The following CLVS1 variants were observed in gnomAD, a reference collection of about 807,000 sequenced individuals.
CLVS1 encodes clavesin-1.
In CLVS1, 10 loss-of-function variants were observed where a neutral mutation model predicts 33.1. The ratio of observed to expected loss-of-function variants is 0.30; its 90% CI spans 0.19 to 0.51. The LOEUF (loss-of-function observed/expected upper bound fraction) is 0.51, where lower values mean the gene tolerates loss of function less well. Among genes scored for constraint, CLVS1 ranks in the 20% least tolerant of loss-of-function variants. The pLI is 0.97. For missense variants in CLVS1, 343 were observed against 433.4 expected, an observed-to-expected ratio of 0.79 and a Z score of 1.85; for synonymous variants, 163 against 166.1, an observed-to-expected ratio of 0.98 and a Z score of 0.14.
Position 61,481,585 on chromosome 8 carries a change from G to A in CLVS1, c.978-17870G>A, listed in dbSNP as rs182685241. On this transcript the variant is annotated intron_variant, in intron 5 of 5. Coordinates refer to ENST00000325897, the MANE Select transcript of CLVS1 (RefSeq NM_173519.3). The stretch of plus-strand genomic sequence containing the variant: ...TGGCTTGGAGGGTCCCACACCCACA[G>A]AGCCTCACTCACTGCTAGCACAGCA... 1.9e-3 allele frequency among the ~76,000 whole-genome samples: 288 copies of A among 152,348 alleles called. 3 individuals are homozygous for A. Among genetic ancestry groups the A allele is most frequent in the Middle Eastern group, 6.8e-3 (2 of 294 alleles).
Position 61,202,830 on chromosome 8 carries a change from T to C in CLVS1, c.-152+70970T>C, listed in dbSNP as rs969833550. ...CACAGAAAAAAGTAAAACTTGCTGC[T>C]GATGAAGATGATGATGATGATGAAG... On this transcript the variant is annotated intron_variant, in intron 2 of 2. Coordinates refer to the CLVS1 transcript ENST00000522621. 7 of 1,025,292 alleles carry C rather than the reference T, an allele frequency of 6.8e-6. No homozygotes were observed. The African/African-American group carries it at 8.0e-5, about 12-fold the overall frequency. The allele number at this position is 1,025,292 out of a possible 1,614,324, so 63.5% of individuals were successfully genotyped here. A position where few individuals can be genotyped will look rare whatever the true frequency, so the allele number is the denominator to read the frequency against.
At chr8:61,140,687 C>T (rs1476238097) in intron 2 of CLVS1, among the ~76,000 whole-genome samples, 2 of 152,100 alleles carry the variant, frequency 1.3e-5, no homozygotes, top group Non-Finnish European at 2.9e-5. Flanking sequence ...CTCAGCCTCC[C>T]GAGCAGCTGG....
chr8:61,451,812 C>CACACACAGAGAG (rs375319471), intron 3 of CLVS1, among the ~76,000 whole-genome samples: 6 of 142,936 alleles, frequency 4.2e-5, no homozygotes, highest in African/African-American at 1.6e-4. Context: ...CACACACACA[C>CACACACAGAGAG]AGAGAGAGAG....
intron 1 of CLVS1, 139 bp from the exon 2 acceptor site, chr8:61,299,538 A>G (rs1810352103): frequency 3.0e-6 from 1 of 334,078 alleles, no homozygotes; most frequent in Non-Finnish European, 5.4e-6. Flanking sequence ...AGGATAATTT[A>G]TCATTTGTTC....
intron 1 of CLVS1, among the ~76,000 whole-genome samples, chr8:61,075,272 G>A (rs576140011): frequency 6.6e-6 from 1 of 152,244 alleles, no homozygotes; most frequent in South Asian, 2.1e-4. Context: ...TCTCCCCAGA[G>A]GCCATTCATT....
At chr8:61,192,271 T>A (rs926426388) in intron 2 of CLVS1, among the ~76,000 whole-genome samples, 2 of 152,106 alleles carry the variant, frequency 1.3e-5, no homozygotes, top group East Asian at 3.8e-4. Flanking sequence ...AAACAAGAAA[T>A]GGGAGAGGAT....
intron 2 of CLVS1, among the ~76,000 whole-genome samples, chr8:61,330,904 A>G (rs1811567995): frequency 6.6e-6 from 1 of 151,750 alleles, no homozygotes; most frequent in African/African-American, 2.4e-5. Flanking sequence ...AGCCTGGGCA[A>G]CATACTGAAG....
At chr8:61,268,835 A>C (rs1352009394) in intron 2 of CLVS1, among the ~76,000 whole-genome samples, 1 of 66,166 alleles carries the variant, frequency 1.5e-5, no homozygotes, top group Non-Finnish European at 2.7e-5. Flanking sequence ...GTGTCTGTTC[A>C]TGTCCTTCAC....
At chr8:61,464,060 G>A (rs1045568788) in intron 5 of CLVS1, among the ~76,000 whole-genome samples, 4 of 146,250 alleles carry the variant, frequency 2.7e-5, no homozygotes, top group African/African-American at 1.0e-4. Context: ...CTGCACTCCA[G>A]CCTGGGCAAC....
intron 2 of CLVS1, among the ~76,000 whole-genome samples, chr8:61,274,676 A>T (rs1277700844): frequency 1.3e-5 from 2 of 152,228 alleles, no homozygotes; most frequent in African/African-American, 4.8e-5. Flanking sequence ...TTGAAGATAC[A>T]TCATGGCAAA....
At chr8:61,391,094 G>A (rs548724719) in intron 3 of CLVS1, 1 of 151,978 alleles carries the variant, frequency 6.6e-6, no homozygotes, top group Admixed American at 6.6e-5. Flanking sequence ...CCTAATACTG[G>A]TTATTGGATA....
intron 2 of CLVS1, among the ~76,000 whole-genome samples, chr8:61,366,628 AC>A (rs1813223116): frequency 6.6e-6 from 1 of 152,184 alleles, no homozygotes; most frequent in Non-Finnish European, 1.5e-5. Flanking sequence ...CACCATGCCT[AC>A]CTTCCTTCTT....
intron 2 of CLVS1, among the ~76,000 whole-genome samples, chr8:61,153,982 GTTT>G (rs1049558811): frequency 3.3e-5 from 5 of 152,128 alleles, no homozygotes; most frequent in African/African-American, 1.2e-4. Flanking sequence ...ACATCCCTAG[GTTT>G]TTAAGAGTGA....
chr8:61,390,293 C>T (rs1253875025), intron 3 of CLVS1, among the ~76,000 whole-genome samples: 1 of 152,214 alleles, frequency 6.6e-6, no homozygotes, highest in Non-Finnish European at 1.5e-5. Context: ...TTTACAACGA[C>T]TACATCATTG....
At chr8:61,427,057 G>A (rs1815923088) in intron 3 of CLVS1, among the ~76,000 whole-genome samples, 1 of 152,168 alleles carries the variant, frequency 6.6e-6, no homozygotes, top group South Asian at 2.1e-4. Flanking sequence ...AGTACCCATG[G>A]AGTATGGTGT....
At chr8:61,434,965 T>C (rs1468072435) in intron 3 of CLVS1, among the ~76,000 whole-genome samples, 1 of 152,244 alleles carries the variant, frequency 6.6e-6, no homozygotes, top group Non-Finnish European at 1.5e-5. Context: ...TGGGTCTAAA[T>C]ATTTTTTCCT....
chr8:61,387,851 C>T (rs1043072308), intron 3 of CLVS1, among the ~76,000 whole-genome samples: 1 of 152,100 alleles, frequency 6.6e-6, no homozygotes, highest in African/African-American at 2.4e-5. Flanking sequence ...ATACATATAT[C>T]ACATTTTCTT....
At chr8:61,158,507 G>C (rs1253167728) in intron 2 of CLVS1, among the ~76,000 whole-genome samples, 2 of 152,130 alleles carry the variant, frequency 1.3e-5, no homozygotes, top group Non-Finnish European at 2.9e-5. Context: ...AATGATCATT[G>C]GTAGTGAAAT....
intron 5 of CLVS1, among the ~76,000 whole-genome samples, chr8:61,498,894 GT>G (rs770185718): frequency 6.6e-6 from 1 of 152,196 alleles, no homozygotes; most frequent in Non-Finnish European, 1.5e-5. Flanking sequence ...ATGCATGGTA[GT>G]TTCCAATGAC....
Sources: allele counts gnomAD v4.1 joint callset (sites outside exome capture counted in the v4.1 genomes callset), GRCh38; gene constraint gnomAD v4.1.1; transcripts MANE v1.5; gene names NCBI Gene and HGNC (gene_info 2026-07-23, HGNC 2026-07-21).